Variants in ADCY1 observed in about 807,000 individuals in gnomAD.
The protein encoded by ADCY1 is adenylate cyclase type 1.
In ADCY1, 28 loss-of-function variants were observed where a neutral mutation model predicts 105.4. That is an observed-to-expected ratio of 0.27 (90% CI 0.20 to 0.36). The LOEUF (loss-of-function observed/expected upper bound fraction) is 0.36. Among genes scored for constraint, ADCY1 ranks in the 10% least tolerant of loss-of-function variants. The pLI is 1.00. For synonymous variants in ADCY1, 655 were observed against 623.8 expected, an observed-to-expected ratio of 1.05 and a Z score of -0.75; for missense variants, 977 against 1,434.2, an observed-to-expected ratio of 0.68 and a Z score of 5.15.
chr7:45,596,029 C>A (rs1233814676), intron 2 of ADCY1, among the ~76,000 whole-genome samples: 1 of 152,194 alleles, frequency 6.6e-6, no homozygotes, highest in African/African-American at 2.4e-5. Context: ...CCTGCCAGCT[C>A]TTGGGTCTCT....
chr7:45,635,414 T>C (rs1274491214), intron 4 of ADCY1, among the ~76,000 whole-genome samples: 1 of 151,772 alleles, frequency 6.6e-6, no homozygotes, highest in African/African-American at 2.4e-5. Context: ...TTGGGTTTAA[T>C]TTGTTCTTCT....
intron 11 of ADCY1, among the ~76,000 whole-genome samples, chr7:45,681,526 G>A (rs1473570732): frequency 6.6e-6 from 1 of 152,206 alleles, no homozygotes; most frequent in Non-Finnish European, 1.5e-5. Context: ...TGCCATCAGT[G>A]GTGCTTGCGG....
chr7:45,663,483 G>A (rs577093854), intron 8 of ADCY1, among the ~76,000 whole-genome samples: 187 of 152,298 alleles, frequency 1.2e-3, no homozygotes, highest in African/African-American at 4.2e-3. Flanking sequence ...TCTAGGTGGC[G>A]GTGTTGCACA....
intron 19 of ADCY1, among the ~76,000 whole-genome samples, chr7:45,713,041 C>A (rs565747874): frequency 6.6e-6 from 1 of 152,302 alleles, no homozygotes; most frequent in Admixed American, 6.5e-5. Context: ...CCACCGACAC[C>A]ATGCTGCTGC....
rs116609662 is a variant in ADCY1 at position 45,635,832 on chromosome 7, A to G, written c.1021-12838A>G. Among the ~76,000 whole-genome samples, 418 of 151,958 alleles carry G rather than the reference A, an allele frequency of 2.8e-3. 5 individuals carry two copies. Among genetic ancestry groups the G allele is most frequent in the African/African-American group, 9.9e-3 (409 of 41,496 alleles). On this transcript the variant is annotated intron_variant, in intron 4 of 19. Transcript: ENST00000297323. ...TCTGTTGTTAAGAGTGTGTTCAGTA[A>G]GTACCAATTAGGTCAATTGGTTGAT...
chr7:45,590,008 A>G (rs1313647228), intron 1 of ADCY1, among the ~76,000 whole-genome samples: 1 of 152,144 alleles, frequency 6.6e-6, no homozygotes, highest in Non-Finnish European at 1.5e-5. Flanking sequence ...AAGCTAACGA[A>G]AAGAGAGGAG....
At chr7:45,590,892 C>T (rs993872629) in intron 1 of ADCY1, among the ~76,000 whole-genome samples, 6 of 152,094 alleles carry the variant, frequency 3.9e-5, no homozygotes, top group South Asian at 4.1e-4. Flanking sequence ...TGGTGTTTAA[C>T]GTCGTCAGCC....
Position 45,574,482 on chromosome 7 carries a change from GC to G in ADCY1, c.-58del. The G allele has an allele frequency of 6.3e-6, 4 of 631,648 alleles. No individual in the cohort carries two copies. The highest frequency in any genetic ancestry group is 7.8e-6 in the Non-Finnish European group (4 of 512,482). 39.1% of individuals were successfully genotyped at this position (631,648 alleles called of 1,614,324 possible). On this transcript the variant is annotated 5_prime_UTR_variant, in exon 1 of 20. Transcript: ENST00000297323. The surrounding 1 kb of genome is among the most constrained non-coding windows in gnomAD (Gnocchi z 7.0). ...CGCCCGCCCCGGCGCCGCCGCCCGC[GC>G]CCCGGCGCCCCGGGCCGGCGAGGGG...
At chr7:45,609,488 C>T (rs1026418073) in intron 2 of ADCY1, among the ~76,000 whole-genome samples, 1 of 152,222 alleles carries the variant, frequency 6.6e-6, no homozygotes, top group South Asian at 2.1e-4. Flanking sequence ...GGAGCTTCTT[C>T]CCCTCTTCAG....
At position 45,720,754 on chromosome 7, in the gene ADCY1, T is replaced by C. The variant is rs1157105603; in HGVS notation, c.*6759T>C. The C allele has an allele frequency of 2.6e-5, 4 of 152,178 alleles. No individual in the cohort carries two copies. Among genetic ancestry groups the C allele is most frequent in the African/African-American group, 9.7e-5 (4 of 41,430 alleles). The allele number at this position is 152,178 out of a possible 1,614,324, so 9.4% of individuals were successfully genotyped here. ...TCCCACCTGGTTACCACAGTCTCCA[T>C]GGGTCTTTTGCCGTGACCACAAATA... is the stretch of plus-strand genomic sequence containing the variant. On this transcript the variant is annotated 3_prime_UTR_variant, in exon 20 of 20. Transcript: ENST00000297323.
At chr7:45,682,642 T>C (rs971158772) in intron 11 of ADCY1, among the ~76,000 whole-genome samples, 1 of 152,172 alleles carries the variant, frequency 6.6e-6, no homozygotes, top group African/African-American at 2.4e-5. Flanking sequence ...ATTTCAGCCC[T>C]GTTTTCCCCA....
chr7:45,600,547 T>C (rs1793201745), intron 2 of ADCY1, among the ~76,000 whole-genome samples: 1 of 152,148 alleles, frequency 6.6e-6, no homozygotes, highest in African/African-American at 2.4e-5. Context: ...ACCTGGAAAA[T>C]GGTGGCTTAA....
Position 45,722,916 on chromosome 7 carries a change from C to T in ADCY1, c.*8921C>T, listed in dbSNP as rs1398168837. 1.3e-5 allele frequency: 2 copies of T among 152,502 alleles called. No homozygotes were observed. Among genetic ancestry groups the T allele is most frequent in the African/African-American group, 4.8e-5 (2 of 41,394 alleles). 9.4% of individuals were successfully genotyped at this position (152,502 alleles called of 1,614,324 possible). ...TATGTCAACTGAACACTGTAGGGTA[C>T]CTTCCAGTCTTTTTCAAGATTGTTA... On this transcript the variant is annotated 3_prime_UTR_variant, in exon 20 of 20. Coordinates refer to ENST00000297323, the MANE Select transcript of ADCY1 (RefSeq NM_021116.4).
chr7:45,715,125 C>G lies in ADCY1; in HGVS notation c.*1130C>G, dbSNP rs1173915417. On this transcript the variant is annotated 3_prime_UTR_variant, in exon 20 of 20. Transcript: ENST00000297323. Reference sequence around the variant, plus strand: ...GTGTTGACGTCTGACGTCTGACAACCTCCTATGTGCATGTCTAAATAGTCA... The same window carrying G: ...GTGTTGACGTCTGACGTCTGACAACGTCCTATGTGCATGTCTAAATAGTCA... The G allele has an allele frequency of 2.6e-5, 4 of 152,230 alleles. No individual in the cohort carries two copies. Among genetic ancestry groups the G allele is most frequent in the African/African-American group, 9.7e-5 (4 of 41,442 alleles). 9.4% of individuals were successfully genotyped at this position (152,230 alleles called of 1,614,324 possible).
chr7:45,650,026 C>T (rs1208620241), intron 5 of ADCY1, among the ~76,000 whole-genome samples: 1 of 152,016 alleles, frequency 6.6e-6, no homozygotes, highest in Non-Finnish European at 1.5e-5. Context: ...AGATGCCTGG[C>T]GTGGAGAAGA....
chr7:45,601,260 T>G (rs1793226705), intron 2 of ADCY1, among the ~76,000 whole-genome samples: 1 of 152,124 alleles, frequency 6.6e-6, no homozygotes, highest in Admixed American at 6.5e-5. Context: ...CCCCTGCTCT[T>G]ACTTGAACTG....
intron 2 of ADCY1, among the ~76,000 whole-genome samples, chr7:45,606,600 A>G (rs1467564020): frequency 6.6e-6 from 1 of 152,128 alleles, no homozygotes; most frequent in Non-Finnish European, 1.5e-5. Context: ...TCTGACTTTT[A>G]GTCTTGGTTG....
intron 2 of ADCY1, among the ~76,000 whole-genome samples, chr7:45,594,253 G>C (rs1054024858): frequency 1.3e-5 from 2 of 152,216 alleles, no homozygotes; most frequent in Non-Finnish European, 2.9e-5. Context: ...GTGTGTGCAT[G>C]AATGTGTCGG....
chr7:45,680,568 C>G (rs949678372), intron 11 of ADCY1: 2 of 152,176 alleles, frequency 1.3e-5, no homozygotes, highest in Non-Finnish European at 2.9e-5. Flanking sequence ...AAGATTAAAT[C>G]TAGTTTCATT....
Sources: allele counts gnomAD v4.1 joint callset (sites outside exome capture counted in the v4.1 genomes callset), GRCh38; gene constraint gnomAD v4.1.1; non-coding constraint Gnocchi (gnomAD v3.1); transcripts MANE v1.5; gene names NCBI Gene and HGNC (gene_info 2026-07-23, HGNC 2026-07-21).